Variants in CNTNAP4 observed in about 807,000 individuals in gnomAD.
CNTNAP4 encodes the protein contactin associated protein family member 4.
In CNTNAP4, 98 loss-of-function variants were observed where a neutral mutation model predicts 148.4. That is an observed-to-expected ratio of 0.66 (90% CI 0.56 to 0.78). CNTNAP4 has a LOEUF of 0.78. Ranked by LOEUF, CNTNAP4 falls within the 30% of genes least tolerant of loss-of-function variation. The probability of loss-of-function intolerance (pLI) is 0.00; values close to 1 mark genes in which losing one functional copy is unlikely to be tolerated. For missense variants in CNTNAP4, 1,935 were observed against 1,565.6 expected (o/e 1.24, Z -3.98); for synonymous variants, 730 against 565.1 (o/e 1.29, Z -4.14).
chr16:76,298,651 A>G (rs1230180929), intron 1 of CNTNAP4, among the ~76,000 whole-genome samples: 1 of 152,060 alleles, frequency 6.6e-6, no homozygotes, highest in African/African-American at 2.4e-5. Flanking sequence ...ACACACCCTT[A>G]AAGTAATGGG....
chr16:76,280,458 G>A (rs986263888), intron 1 of CNTNAP4, among the ~76,000 whole-genome samples: 1 of 152,036 alleles, frequency 6.6e-6, no homozygotes, highest in Non-Finnish European at 1.5e-5. Flanking sequence ...TTGTATATAC[G>A]TATATGTGTA....
chr16:76,465,144 C>G (rs983489907), intron 9 of CNTNAP4, among the ~76,000 whole-genome samples: 1 of 152,196 alleles, frequency 6.6e-6, no homozygotes, highest in Non-Finnish European at 1.5e-5. Context: ...GATAATTTAT[C>G]TGTTATCCTC....
intron 4 of CNTNAP4, 83 bp from the exon 5 acceptor site, chr16:76,447,929 T>A: frequency 3.0e-6 from 3 of 1,010,996 alleles, no homozygotes; most frequent in Non-Finnish European, 4.5e-6. Flanking sequence ...TATACTGCCT[T>A]TTCTCAATAT....
chr16:76,298,876 G>A (rs1311547434), intron 1 of CNTNAP4, among the ~76,000 whole-genome samples: 3 of 152,108 alleles, frequency 2.0e-5, no homozygotes, highest in Non-Finnish European at 4.4e-5. Context: ...GGCAGGTAGG[G>A]CAGAAATGAT....
intron 21 of CNTNAP4, among the ~76,000 whole-genome samples, chr16:76,551,875 A>G (rs893972574): frequency 2.6e-5 from 4 of 152,170 alleles, no homozygotes; most frequent in African/African-American, 9.7e-5. Context: ...TATTTTCAAA[A>G]GAAAGACTAA....
rs11149891 is a variant in CNTNAP4, at chr16:76,317,252, CAA to C, written c.196+740_196+741del. ...TGGGCGACAAAGTGAGACCCTGTCT[CAA>C]AAAAAAAAAACAAAAAAAAAAACCA... On this transcript the variant is annotated intron_variant, in intron 2 of 23. Transcript: ENST00000611870. Among the ~76,000 whole-genome samples the C allele has an allele frequency of 1.0e-3, 90 of 86,304 alleles. 1 individual carries two copies. Among genetic ancestry groups the C allele is most frequent in the African/African-American group, 3.4e-3 (84 of 24,458 alleles). 56.6% of individuals were successfully genotyped at this position (86,304 alleles called of 152,430 possible). A position where few individuals can be genotyped will look rare whatever the true frequency, so the allele number is the denominator to read the frequency against.
At chr16:76,405,192 A>C (rs1431744050) in intron 3 of CNTNAP4, among the ~76,000 whole-genome samples, 2 of 152,188 alleles carry the variant, frequency 1.3e-5, no homozygotes, top group African/African-American at 4.8e-5. Flanking sequence ...TGACACTTAT[A>C]AACACTTAAC....
At chr16:76,469,936 A>G (rs1170416936) in intron 10 of CNTNAP4, among the ~76,000 whole-genome samples, 1 of 152,144 alleles carries the variant, frequency 6.6e-6, no homozygotes, top group East Asian at 1.9e-4. Flanking sequence ...TTGGTCTTAT[A>G]TACTATACCT....
intron 1 of CNTNAP4, among the ~76,000 whole-genome samples, chr16:76,314,627 G>T (rs1597160642): frequency 1.3e-5 from 2 of 152,180 alleles, no homozygotes; most frequent in African/African-American, 4.8e-5. Context: ...ATCAGGACAC[G>T]CCCAAGTCTG....
chr16:76,285,684 C>T lies in CNTNAP4; in HGVS notation c.85+7937C>T, dbSNP rs138230490. Among the ~76,000 whole-genome samples, 38 of 152,084 alleles carry T rather than the reference C, an allele frequency of 2.5e-4. No individual in the cohort carries two copies. The East Asian group carries it at 2.5e-3, about 10-fold the overall frequency. On this transcript the variant is annotated intron_variant, in intron 1 of 23. Coordinates refer to ENST00000611870, the MANE Select transcript of CNTNAP4 (RefSeq NM_033401.5). ...TAAATTCACCTGCCTTCCTAAATTACGTTTATTGTATACTTTTTAGAAAAA... is the reference window on the plus strand; with the variant it reads ...TAAATTCACCTGCCTTCCTAAATTATGTTTATTGTATACTTTTTAGAAAAA...
chr16:76,351,148 G>T (rs976583270), intron 2 of CNTNAP4, among the ~76,000 whole-genome samples: 6 of 151,996 alleles, frequency 3.9e-5, no homozygotes, highest in Admixed American at 3.3e-4. Flanking sequence ...CAGTTAAAAG[G>T]TTTTCTTAAT....
chr16:76,452,674 A>C lies in CNTNAP4; in HGVS notation c.1238A>C (p.Gln413Pro). The C allele has an allele frequency of 1.9e-6, 3 of 1,613,858 alleles. No homozygotes were observed. Among genetic ancestry groups the C allele is most frequent in the Non-Finnish European group, 2.5e-6 (3 of 1,179,830 alleles). Reference sequence around the variant, plus strand: ...GGGCTTCTGCTGTTCAGTGAACTTCAGCTGATTTCAGGGGGTATCCTCCTC... The same window carrying C: ...GGGCTTCTGCTGTTCAGTGAACTTCCGCTGATTTCAGGGGGTATCCTCCTC... ...KAGLLLFSELQLISGGILLFL... is the reference protein window; with the variant it reads ...KAGLLLFSELPLISGGILLFL... The change falls in exon 8 of 24, where the codon CAG becomes CCG. Residue 413 changes from glutamine (Q) to proline (P), a missense_variant. Transcript: ENST00000611870.
chr16:76,403,704 C>T (rs1384325512), intron 3 of CNTNAP4, among the ~76,000 whole-genome samples: 2 of 152,008 alleles, frequency 1.3e-5, no homozygotes, highest in Non-Finnish European at 1.5e-5. Flanking sequence ...GGGTATGTAC[C>T]CAGAAGAATA....
chr16:76,452,825 C>T (rs1031081952), intron 8 of CNTNAP4, 56 bp downstream of exon 8: 1 of 1,441,480 alleles, frequency 6.9e-7, no homozygotes. Context: ...TTCATTATCT[C>T]TGTGGCCAAA....
intron 3 of CNTNAP4, among the ~76,000 whole-genome samples, chr16:76,397,732 G>C (rs933462742): frequency 1.3e-5 from 2 of 151,090 alleles, no homozygotes; most frequent in African/African-American, 2.4e-5. Flanking sequence ...TCATAAATCT[G>C]TCATTTCATG....
chr16:76,392,424 T>A (rs1033301005), intron 3 of CNTNAP4, among the ~76,000 whole-genome samples: 4 of 152,188 alleles, frequency 2.6e-5, no homozygotes, highest in African/African-American at 9.6e-5. Context: ...GTATCTAGCA[T>A]GAGTCCTAAG....
At chr16:76,285,644 C>T (rs1380784264) in intron 1 of CNTNAP4, among the ~76,000 whole-genome samples, 1 of 152,028 alleles carries the variant, frequency 6.6e-6, no homozygotes, top group African/African-American at 2.4e-5. Flanking sequence ...ACTTTAAAAG[C>T]ACCATGTAAA....
chr16:76,487,395 G>A (rs541869504), intron 12 of CNTNAP4, among the ~76,000 whole-genome samples: 43 of 152,294 alleles, frequency 2.8e-4, no homozygotes, highest in African/African-American at 9.1e-4. Flanking sequence ...AGACTGGTAG[G>A]AAAGACCAGT....
At chr16:76,355,249 C>T in intron 2 of CNTNAP4, 69 bp from the exon 3 acceptor site, 1 of 1,240,024 alleles carries the variant, frequency 8.1e-7, no homozygotes, top group Non-Finnish European at 1.1e-6. Flanking sequence ...ACTGGCATTT[C>T]TTTACAAACA....
Sources: allele counts gnomAD v4.1 joint callset (sites outside exome capture counted in the v4.1 genomes callset), GRCh38; gene constraint gnomAD v4.1.1; transcripts MANE v1.5; gene names NCBI Gene and HGNC (gene_info 2026-07-23, HGNC 2026-07-21).